The following SYT1 variants were observed in gnomAD, a reference collection of about 807,000 sequenced individuals.
SYT1 encodes the protein synaptotagmin-1.
A neutral mutation model predicts 44.8 loss-of-function variants in SYT1; 8 were observed. That is an observed-to-expected ratio of 0.18 (90% CI 0.10 to 0.32). The LOEUF (loss-of-function observed/expected upper bound fraction) is 0.32, where lower values mean the gene tolerates loss of function less well. Ranked by LOEUF, SYT1 falls within the 10% of genes least tolerant of loss-of-function variation. The pLI, the probability that SYT1 is intolerant of heterozygous loss-of-function variation, is 1.00. For synonymous variants in SYT1, 154 were observed against 188.8 expected, an observed-to-expected ratio of 0.82 and a Z score of 1.51; for missense variants, 286 against 509.3, an observed-to-expected ratio of 0.56 and a Z score of 4.22.
At chr12:79,142,022 C>A (rs563670165) in intron 3 of SYT1, among the ~76,000 whole-genome samples, 5 of 152,282 alleles carry the variant, frequency 3.3e-5, no homozygotes, top group African/African-American at 1.2e-4. Context: ...GCTTGAGTAG[C>A]TTGTTGTGTA....
intron 2 of SYT1, among the ~76,000 whole-genome samples, chr12:79,019,438 AT>A (rs1172166042): frequency 6.6e-6 from 1 of 151,748 alleles, no homozygotes; most frequent in Non-Finnish European, 1.5e-5. Context: ...ACATAAACCA[AT>A]CTACACATTG....
chr12:79,229,757 C>G (rs1875751940), intron 4 of SYT1, among the ~76,000 whole-genome samples: 1 of 151,956 alleles, frequency 6.6e-6, no homozygotes, highest in African/African-American at 2.4e-5. Context: ...CCATGCCTGG[C>G]TAATTTTTTG....
At chr12:78,871,360 A>G (rs1873810941) in intron 1 of SYT1, among the ~76,000 whole-genome samples, 1 of 152,036 alleles carries the variant, frequency 6.6e-6, no homozygotes, top group South Asian at 2.1e-4. Flanking sequence ...AACACTCACT[A>G]AAATATCAAT....
chr12:79,016,829 A>C lies in SYT1; in HGVS notation c.-83-30468A>C, dbSNP rs139998001. Among the ~76,000 whole-genome samples the C allele has an allele frequency of 1.6e-3, 249 of 152,236 alleles. 1 individual carries two copies. Among genetic ancestry groups the C allele is most frequent in the Non-Finnish European group, 3.2e-3 (219 of 68,004 alleles). ...ATAAATAACTACCAACAAGGTATAA[A>C]TTTGGGAAAATTGTTATTTTTTATT... On this transcript the variant is annotated intron_variant, in intron 2 of 10. Transcript: ENST00000261205.
chr12:78,926,039 ATC>A (rs1244983803), intron 1 of SYT1, among the ~76,000 whole-genome samples: 3 of 152,076 alleles, frequency 2.0e-5, no homozygotes, highest in Admixed American at 1.3e-4. Context: ...TAGAAAACAT[ATC>A]AGGGTCAGAA....
At chr12:79,321,426 A>C (rs981065742) in intron 8 of SYT1, among the ~76,000 whole-genome samples, 1 of 152,228 alleles carries the variant, frequency 6.6e-6, no homozygotes, top group East Asian at 1.9e-4. Flanking sequence ...TCCTTTTTTA[A>C]CAAATGGATT....
At chr12:79,243,225 G>A (rs569943796) in intron 4 of SYT1, among the ~76,000 whole-genome samples, 7 of 152,212 alleles carry the variant, frequency 4.6e-5, no homozygotes, top group South Asian at 2.1e-4. Flanking sequence ...GGACACAGTC[G>A]AACCATATCA....
At chr12:79,321,948 G>C (rs1345836437) in intron 8 of SYT1, among the ~76,000 whole-genome samples, 1 of 152,152 alleles carries the variant, frequency 6.6e-6, no homozygotes, top group African/African-American at 2.4e-5. Context: ...ATTAGTTAGA[G>C]TGCCCGGACG....
At chr12:79,335,302 G>T (rs1195696989) in intron 8 of SYT1, among the ~76,000 whole-genome samples, 1 of 151,340 alleles carries the variant, frequency 6.6e-6, no homozygotes, top group Non-Finnish European at 1.5e-5. Context: ...TGTTATGTTT[G>T]TCTGTTTTTC....
At chr12:79,080,540 T>C (rs1876959780) in intron 3 of SYT1, among the ~76,000 whole-genome samples, 1 of 152,142 alleles carries the variant, frequency 6.6e-6, no homozygotes, top group Non-Finnish European at 1.5e-5. Flanking sequence ...TTTTGGTGGA[T>C]ATACATATAA....
At chr12:79,172,578 C>G (rs1871594211) in intron 3 of SYT1, among the ~76,000 whole-genome samples, 1 of 151,476 alleles carries the variant, frequency 6.6e-6, no homozygotes, top group African/African-American at 2.4e-5. Flanking sequence ...AATATTTTCC[C>G]TAAAGAATGG....
At chr12:79,065,544 A>T (rs1875780536) in intron 3 of SYT1, among the ~76,000 whole-genome samples, 1 of 152,218 alleles carries the variant, frequency 6.6e-6, no homozygotes, top group African/African-American at 2.4e-5. Flanking sequence ...ACTGAAAAAT[A>T]ATCTATCCCA....
rs144827911 is a variant in SYT1, at chr12:79,012,294, T to C, written c.-84+34363T>C. Among the ~76,000 whole-genome samples, 688 of 152,250 alleles carry C rather than the reference T, an allele frequency of 4.5e-3. 5 individuals carry two copies. The highest frequency in any genetic ancestry group is 0.015 in the African/African-American group (638 of 41,560). ...GGTTGAGGAGTAGACAGACCACACA[T>C]GGTAACTGAGAACTCTGAAGTTTCA... On this transcript the variant is annotated intron_variant, in intron 2 of 10. Coordinates refer to ENST00000261205, the MANE Select transcript of SYT1 (RefSeq NM_005639.3).
At chr12:79,106,376 C>T (rs1007423725) in intron 3 of SYT1, among the ~76,000 whole-genome samples, 2 of 152,050 alleles carry the variant, frequency 1.3e-5, no homozygotes, top group Non-Finnish European at 1.5e-5. Context: ...GCCAGAAGAA[C>T]AGGGATCATA....
intron 3 of SYT1, among the ~76,000 whole-genome samples, chr12:79,137,840 A>T (rs940136414): frequency 2.0e-5 from 3 of 152,196 alleles, no homozygotes; most frequent in African/African-American, 7.2e-5. Context: ...GTATTCATGT[A>T]TATGAGCCTG....
chr12:79,095,774 T>C (rs1327317773), intron 3 of SYT1, among the ~76,000 whole-genome samples: 1 of 151,928 alleles, frequency 6.6e-6, no homozygotes, highest in South Asian at 2.1e-4. Context: ...CTGCCTGGGC[T>C]CACCAAAACT....
rs186789268 is a variant in SYT1, at chr12:79,370,963, A to G, written c.928+17344A>G. ...ATGGAAGAGCACATCTATTAAAGAC[A>G]AATGTATCCTCACCAAAAGTGATTA... On this transcript the variant is annotated intron_variant, in intron 9 of 10. Transcript: ENST00000261205. Among the ~76,000 whole-genome samples, 234 of 152,182 alleles carry G rather than the reference A, an allele frequency of 1.5e-3. 1 individual carries two copies. Among genetic ancestry groups the G allele is most frequent in the African/African-American group, 5.4e-3 (226 of 41,494 alleles).
At chr12:79,013,857 G>A (rs575098528) in intron 2 of SYT1, among the ~76,000 whole-genome samples, 20 of 152,056 alleles carry the variant, frequency 1.3e-4, no homozygotes, top group African/African-American at 1.9e-4. Context: ...GCCGGACGCC[G>A]TGGCTCACGC....
chr12:79,098,753 A>G (rs1304007381), intron 3 of SYT1, among the ~76,000 whole-genome samples: 1 of 152,142 alleles, frequency 6.6e-6, no homozygotes, highest in Non-Finnish European at 1.5e-5. Context: ...AGAGGCTCCT[A>G]TCAGGACCTT....
Sources: gnomAD v4.1 joint callset for allele counts (sites outside exome capture counted in the v4.1 genomes callset) on GRCh38, gnomAD v4.1.1 for gene constraint, MANE v1.5 for transcripts, NCBI Gene and HGNC (gene_info 2026-07-23, HGNC 2026-07-21) for gene names.